The following CNIH3 variants were observed in gnomAD, a reference collection of about 807,000 sequenced individuals.
CNIH3 encodes cornichon family AMPA receptor auxiliary protein 3, also known as protein cornichon homolog 3.
A neutral mutation model predicts 24.1 loss-of-function variants in CNIH3; 14 were observed. The ratio of observed to expected loss-of-function variants is 0.58; its 90% CI spans 0.38 to 0.91. CNIH3 has a LOEUF of 0.91. CNIH3 is among the 40% of genes least tolerant of loss of function. CNIH3 has a pLI of 0.00. For synonymous variants in CNIH3, 68 were observed against 73.8 expected (o/e 0.92, Z 0.40); for missense variants, 178 against 196.8 (o/e 0.90, Z 0.57).
intron 4 of CNIH3, among the ~76,000 whole-genome samples, chr1:224,733,937 C>T (rs1234163258): frequency 1.3e-5 from 2 of 152,284 alleles, no homozygotes; most frequent in African/African-American, 4.8e-5. Context: ...GCCTTGGGAA[C>T]GTAGTATTTT....
rs1677866317 is a variant in CNIH3, at chr1:224,505,357, G to C, written n.204-10384G>C. On this transcript the variant is annotated intron_variant and non_coding_transcript_variant, in intron 1 of 5. Coordinates refer to the CNIH3 transcript ENST00000471578. ...CCATATCATGAATTGTGGTATACAC[G>C]TAGTGGGTACTCAGGTACCTTGAAT... is the stretch of plus-strand genomic sequence containing the variant. Among the ~76,000 whole-genome samples, 4 of 151,400 alleles carry C rather than the reference G, an allele frequency of 2.6e-5. No individual in the cohort carries two copies. The South Asian group carries it at 8.4e-4, about 32-fold the overall frequency.
intron 2 of CNIH3, chr1:224,529,266 T>C (rs1678967592): frequency 6.6e-6 from 1 of 152,276 alleles, no homozygotes; most frequent in South Asian, 2.1e-4. Context: ...CAGTTTCTAC[T>C]TTGATACAAT....
At chr1:224,584,499 A>C (rs1160106761) in intron 5 of CNIH3, among the ~76,000 whole-genome samples, 1 of 152,234 alleles carries the variant, frequency 6.6e-6, no homozygotes, top group African/African-American at 2.4e-5. Context: ...TATTTCACTA[A>C]AAGACAGAGA....
chr1:224,542,956 A>G (rs985928561), intron 2 of CNIH3, among the ~76,000 whole-genome samples: 1 of 152,210 alleles, frequency 6.6e-6, no homozygotes, highest in African/African-American at 2.4e-5. Flanking sequence ...CTGATTGCTT[A>G]TGCTAATGAG....
At chr1:224,590,613 G>A (rs1681711448), downstream of CNIH3, among the ~76,000 whole-genome samples, 1 of 152,188 alleles carries the variant, frequency 6.6e-6, no homozygotes, top group African/African-American at 2.4e-5. Flanking sequence ...GACCAAACTT[G>A]CAGTCTTAAG....
chr1:224,461,842 A>C (rs568449965), intron 1 of CNIH3, among the ~76,000 whole-genome samples: 2 of 152,136 alleles, frequency 1.3e-5, no homozygotes, highest in African/African-American at 4.8e-5. Flanking sequence ...CTAATCATGT[A>C]CTTTCTTTTT....
rs1683010645 is a variant in CNIH3, at chr1:224,616,663, A to G, written c.-512A>G. On this transcript the variant is annotated 5_prime_UTR_variant, in exon 1 of 6. Transcript: ENST00000272133. ...GCTCTGGGATTTGGGAGGAGCTCGGAGGCCGCTCGGGCACCTCGCTGGACA... is the reference window on the plus strand; with the variant it reads ...GCTCTGGGATTTGGGAGGAGCTCGGGGGCCGCTCGGGCACCTCGCTGGACA... The G allele has an allele frequency of 1.0e-6, 1 of 988,112 alleles. No homozygotes were observed. Among genetic ancestry groups the G allele is most frequent in the Non-Finnish European group, 1.2e-6 (1 of 831,998 alleles). The allele number at this position is 988,112 out of a possible 1,614,324, so 61.2% of individuals were successfully genotyped here.
At chr1:224,639,084 C>T (rs562837325) in intron 1 of CNIH3, among the ~76,000 whole-genome samples, 132 of 152,220 alleles carry the variant, frequency 8.7e-4, no homozygotes, top group Non-Finnish European at 1.2e-3. Context: ...TCTGCAAATT[C>T]TCTTTCCCCA....
chr1:224,579,423 A>G (rs930835708), intron 4 of CNIH3, among the ~76,000 whole-genome samples: 3 of 152,122 alleles, frequency 2.0e-5, no homozygotes, highest in African/African-American at 7.2e-5. Flanking sequence ...TGGCTGAAGA[A>G]CTTCTTTGAC....
At chr1:224,653,422 CAAA>C (rs60825350) in intron 1 of CNIH3, among the ~76,000 whole-genome samples, 1 of 114,296 alleles carries the variant, frequency 8.7e-6, no homozygotes, top group Non-Finnish European at 2.0e-5. Context: ...AACTCCACCT[CAAA>C]AAAAAAAAAA....
chr1:224,560,364 C>A (rs1019299140), intron 3 of CNIH3, among the ~76,000 whole-genome samples: 7 of 149,840 alleles, frequency 4.7e-5, no homozygotes, highest in Non-Finnish European at 1.1e-4. Context: ...ACTTCTATTG[C>A]TCCTCATTCT....
intron 1 of CNIH3, among the ~76,000 whole-genome samples, chr1:224,623,246 C>G (rs879349379): frequency 6.6e-6 from 1 of 152,132 alleles, no homozygotes; most frequent in Non-Finnish European, 1.5e-5. Flanking sequence ...CTCAATGCAT[C>G]GCTCCTCTAG....
intron 1 of CNIH3, among the ~76,000 whole-genome samples, chr1:224,626,765 A>G (rs529703007): frequency 2.0e-5 from 3 of 152,284 alleles, no homozygotes; most frequent in East Asian, 1.9e-4. Flanking sequence ...ACAACTCCCC[A>G]TCTCACAGCC....
At chr1:224,559,425 C>T (rs1680271500) in intron 3 of CNIH3, among the ~76,000 whole-genome samples, 1 of 152,124 alleles carries the variant, frequency 6.6e-6, no homozygotes. Flanking sequence ...AGTGTGGTGG[C>T]CCTATCGTAG....
chr1:224,525,326 G>A (rs1678803193), intron 2 of CNIH3, among the ~76,000 whole-genome samples: 3 of 152,230 alleles, frequency 2.0e-5, no homozygotes, highest in Admixed American at 2.0e-4. Context: ...CTAAGTTGCA[G>A]GCATTAACCC....
chr1:224,514,625 G>A (rs553843771), upstream of CNIH3, among the ~76,000 whole-genome samples: 6 of 152,118 alleles, frequency 3.9e-5, no homozygotes, highest in Non-Finnish European at 5.9e-5. Flanking sequence ...GAAGCCAGGA[G>A]TTCAAGAACA....
intron 1 of CNIH3, among the ~76,000 whole-genome samples, chr1:224,659,675 A>G (rs1402497351): frequency 6.6e-6 from 1 of 152,246 alleles, no homozygotes; most frequent in East Asian, 1.9e-4. Flanking sequence ...CAATTTAGAC[A>G]TAATCAAGAA....
intron 3 of CNIH3, among the ~76,000 whole-genome samples, chr1:224,553,384 A>G (rs1680006621): frequency 6.6e-6 from 1 of 152,004 alleles, no homozygotes; most frequent in Admixed American, 6.6e-5. Flanking sequence ...TGGTGATGCT[A>G]CTTCGCTTGA....
intron 4 of CNIH3, among the ~76,000 whole-genome samples, chr1:224,572,442 G>A (rs1041234506): frequency 1.3e-5 from 2 of 151,856 alleles, no homozygotes; most frequent in Admixed American, 6.6e-5. Flanking sequence ...CTTGAATCTG[G>A]GAGGTGGAGG....
Sources: gnomAD v4.1 joint callset for allele counts (sites outside exome capture counted in the v4.1 genomes callset) on GRCh38, gnomAD v4.1.1 for gene constraint, MANE v1.5 for transcripts, NCBI Gene and HGNC (gene_info 2026-07-23, HGNC 2026-07-21) for gene names.